LRP1B: variants seen among roughly 807,000 people sequenced by gnomAD.
LRP1B encodes LDL receptor related protein 1B.
A neutral mutation model predicts 556.6 loss-of-function variants in LRP1B; 217 were observed. The observed-to-expected ratio is 0.39, with a 90% confidence interval of 0.35 to 0.44. The LOEUF (loss-of-function observed/expected upper bound fraction) is 0.44, where lower values mean the gene tolerates loss of function less well. Among genes scored for constraint, LRP1B ranks in the 20% least tolerant of loss-of-function variants. LRP1B has a pLI of 1.00. For synonymous variants in LRP1B, 2,047 were observed against 1,865.8 expected (o/e 1.10, Z -2.50); for missense variants, 5,053 against 5,620.8 (o/e 0.90, Z 3.23).
intron 83 of LRP1B, among the ~76,000 whole-genome samples, chr2:140,308,128 T>A (rs1284586244): frequency 6.6e-6 from 1 of 151,828 alleles, no homozygotes; most frequent in Non-Finnish European, 1.5e-5. Context: ...TATACTTTCA[T>A]TTGAATATTG....
At chr2:142,034,215 C>T (rs2105202607) in intron 1 of LRP1B, among the ~76,000 whole-genome samples, 1 of 151,876 alleles carries the variant, frequency 6.6e-6, no homozygotes, top group East Asian at 1.9e-4. Flanking sequence ...ATGCTTCCAA[C>T]ACACTGACAA....
At chr2:141,474,697 G>A (rs1044047851) in intron 3 of LRP1B, among the ~76,000 whole-genome samples, 1 of 151,960 alleles carries the variant, frequency 6.6e-6, no homozygotes, top group Non-Finnish European at 1.5e-5. Context: ...TTCTTTTTTA[G>A]TTTACTGATC....
Position 141,950,205 on chromosome 2 carries a change from T to C in LRP1B, c.83-139804A>G, listed in dbSNP as rs2105032051. Among the ~76,000 whole-genome samples the C allele has an allele frequency of 1.3e-5, 2 of 152,312 alleles. 1 individual carries two copies. Among genetic ancestry groups the C allele is most frequent in the South Asian group, 4.1e-4 (2 of 4,826 alleles). On this transcript the variant is annotated intron_variant, in intron 1 of 90. Transcript: ENST00000389484. ...AGGCTTTAAAATGTTAAATATTTTA[T>C]CTTATTTTCCAAATTGAATTTCTGA...
At chr2:142,116,828 G>A (rs1354500575) in intron 1 of LRP1B, among the ~76,000 whole-genome samples, 2 of 152,146 alleles carry the variant, frequency 1.3e-5, no homozygotes, top group African/African-American at 4.8e-5. Context: ...TGAAGTCAGT[G>A]TGTGGTAATA....
intron 2 of LRP1B, among the ~76,000 whole-genome samples, chr2:141,591,430 C>A (rs960987499): frequency 4.7e-5 from 7 of 148,164 alleles, no homozygotes; most frequent in African/African-American, 1.7e-4. Context: ...AAAAAAAAAT[C>A]GATTAAAATG....
chr2:142,058,808 CTAAT>C (rs1178718056), intron 1 of LRP1B, among the ~76,000 whole-genome samples: 1 of 152,030 alleles, frequency 6.6e-6, no homozygotes, highest in Non-Finnish European at 1.5e-5. Context: ...CTCCCCTACC[CTAAT>C]TAGTTTTAAC....
chr2:140,500,368 T>C (rs970348357), intron 55 of LRP1B, among the ~76,000 whole-genome samples: 46 of 152,050 alleles, frequency 3.0e-4, no homozygotes, highest in African/African-American at 1.0e-3. Flanking sequence ...ATTGGTTGTT[T>C]AGTTGAATTT....
chr2:140,391,245 C>T (rs1053829285), intron 66 of LRP1B, among the ~76,000 whole-genome samples: 2 of 151,944 alleles, frequency 1.3e-5, no homozygotes, highest in African/African-American at 4.8e-5. Flanking sequence ...CAGCATTAAA[C>T]AATATTTGAC....
In LRP1B at chr2:140,350,962, G is replaced by C. The variant is rs16843826; in HGVS notation, c.11727C>G (p.Gly3909=). 6.2e-7 allele frequency: 1 copy of C among 1,608,678 alleles called. No individual in the cohort carries two copies. The highest frequency in any genetic ancestry group is 8.5e-7 in the Non-Finnish European group (1 of 1,175,878). The change falls in exon 77 of 91, where the codon GGC becomes GGG. Residue 3909 remains glycine (G), a synonymous_variant. Coordinates refer to ENST00000389484, the MANE Select transcript of LRP1B (RefSeq NM_018557.3). Reference sequence around the variant, plus strand: ...CAATATGAGAAATTTGTTGATGATCGCCACTGTAGTTGAATGGATATATAA... The same window carrying C: ...CAATATGAGAAATTTGTTGATGATCCCCACTGTAGTTGAATGGATATATAA... ...LGFIYPFNYS[G]DHQQISHIEH... is the part of the protein sequence containing the mutation.
intron 3 of LRP1B, among the ~76,000 whole-genome samples, chr2:141,268,595 A>G (rs1007723886): frequency 6.6e-6 from 1 of 152,152 alleles, no homozygotes; most frequent in Admixed American, 6.6e-5. Flanking sequence ...AAAATAATGG[A>G]AAGCCTCAGG....
intron 3 of LRP1B, among the ~76,000 whole-genome samples, chr2:141,478,368 T>C (rs183545829): frequency 5.3e-5 from 8 of 152,290 alleles, no homozygotes; most frequent in Admixed American, 3.3e-4. Flanking sequence ...TACATATCTA[T>C]CTGAAAATTC....
chr2:141,266,473 C>T (rs1684894266), intron 3 of LRP1B, among the ~76,000 whole-genome samples: 1 of 151,786 alleles, frequency 6.6e-6, no homozygotes, highest in Non-Finnish European at 1.5e-5. Context: ...TGATGTATGC[C>T]ACTAGGTATG....
chr2:141,325,664 T>C (rs1333320935), intron 3 of LRP1B, among the ~76,000 whole-genome samples: 2 of 152,022 alleles, frequency 1.3e-5, no homozygotes, highest in Non-Finnish European at 1.5e-5. Context: ...AGGGAGAAAA[T>C]AGGCATAGTT....
At chr2:141,730,314 C>T (rs1693222916) in intron 2 of LRP1B, among the ~76,000 whole-genome samples, 1 of 152,086 alleles carries the variant, frequency 6.6e-6, no homozygotes, top group South Asian at 2.1e-4. Context: ...TCCTCGCTGT[C>T]ATCATCATTA....
chr2:141,337,113 G>T (rs1687873921), intron 3 of LRP1B, among the ~76,000 whole-genome samples: 2 of 152,110 alleles, frequency 1.3e-5, no homozygotes, highest in African/African-American at 4.8e-5. Context: ...AAAAAAAACT[G>T]CCAAACTGTT....
chr2:141,249,072 AT>A (rs1408002457), intron 4 of LRP1B, among the ~76,000 whole-genome samples: 1 of 152,172 alleles, frequency 6.6e-6, no homozygotes, highest in Non-Finnish European at 1.5e-5. Flanking sequence ...ACTGTGTTAA[AT>A]TTGAGGTGTC....
rs1297308169 is a variant in LRP1B at position 141,153,525 on chromosome 2, T to C, written c.1013+34896A>G. Reference sequence around the variant, plus strand: ...TATATAATAATATATATAAGCTATATATTTATATATAATATATTATATATT... The same window carrying C: ...TATATAATAATATATATAAGCTATACATTTATATATAATATATTATATATT... On this transcript the variant is annotated intron_variant, in intron 7 of 90. Transcript: ENST00000389484. Among the ~76,000 whole-genome samples the C allele has an allele frequency of 6.7e-4, 87 of 129,310 alleles. 2 individuals carry two copies. Among genetic ancestry groups the C allele is most frequent in the Non-Finnish European group, 1.1e-3 (70 of 63,268 alleles). The allele number at this position is 129,310 out of a possible 152,430, so 84.8% of individuals were successfully genotyped here.
intron 6 of LRP1B, among the ~76,000 whole-genome samples, chr2:141,223,184 C>A (rs751396068): frequency 5.3e-5 from 8 of 152,118 alleles, no homozygotes; most frequent in Non-Finnish European, 1.0e-4. Context: ...GCAATTCCAG[C>A]AAAGTCTCAG....
chr2:141,463,970 G>C (rs570345916), intron 3 of LRP1B, among the ~76,000 whole-genome samples: 1 of 151,478 alleles, frequency 6.6e-6, no homozygotes, highest in Non-Finnish European at 1.5e-5. Context: ...AGCCATTCAA[G>C]TTTGGCAGAT....
Sources: allele counts gnomAD v4.1 joint callset (sites outside exome capture counted in the v4.1 genomes callset), GRCh38; gene constraint gnomAD v4.1.1; transcripts MANE v1.5; gene names NCBI Gene and HGNC (gene_info 2026-07-23, HGNC 2026-07-21).